Variants in GRIK2 observed in about 807,000 individuals in gnomAD.
The protein encoded by GRIK2 is glutamate receptor ionotropic, kainate 2.
A neutral mutation model predicts 100.3 loss-of-function variants in GRIK2; 32 were observed. The observed-to-expected ratio is 0.32, with a 90% CI of 0.24 to 0.43. The LOEUF (loss-of-function observed/expected upper bound fraction) is 0.43. GRIK2 is among the 20% of genes least tolerant of loss of function. GRIK2 has a pLI of 1.00. For missense variants in GRIK2, 843 were observed against 1,114.9 expected (o/e 0.76, Z 3.47); for synonymous variants, 417 against 389.4 (o/e 1.07, Z -0.83).
At chr6:102,016,839 T>C (rs1795860750) in intron 14 of GRIK2, among the ~76,000 whole-genome samples, 1 of 151,806 alleles carries the variant, frequency 6.6e-6, no homozygotes, top group African/African-American at 2.4e-5. Context: ...TTCTCCAAGG[T>C]CAAAATGAAA....
chr6:101,622,201 C>A, intron 3 of GRIK2, 85 bp downstream of exon 3: 2 of 761,396 alleles, frequency 2.6e-6, no homozygotes, highest in Non-Finnish European at 4.4e-6. Flanking sequence ...TTTCAACATA[C>A]AGTTAATAAG....
chr6:101,459,285 T>G (rs1450782630), intron 2 of GRIK2, among the ~76,000 whole-genome samples: 1 of 152,186 alleles, frequency 6.6e-6, no homozygotes, highest in Non-Finnish European at 1.5e-5. Context: ...TGTTGTCATT[T>G]TAAAACATGT....
intron 4 of GRIK2, among the ~76,000 whole-genome samples, chr6:101,659,567 G>A (rs189054765): frequency 1.1e-4 from 16 of 152,178 alleles, no homozygotes; most frequent in East Asian, 5.8e-4. Context: ...TCATAGTGTC[G>A]ATGGTCTTTA....
At chr6:101,831,230 AT>A (rs1206962252) in intron 10 of GRIK2, among the ~76,000 whole-genome samples, 1 of 151,942 alleles carries the variant, frequency 6.6e-6, no homozygotes, top group Non-Finnish European at 1.5e-5. Flanking sequence ...TCAAAATAGG[AT>A]TTTTTTTCCA....
At chr6:101,787,718 GC>G (rs1309563159) in intron 7 of GRIK2, among the ~76,000 whole-genome samples, 2 of 151,952 alleles carry the variant, frequency 1.3e-5, no homozygotes, top group Non-Finnish European at 2.9e-5. Context: ...ACATTTTGTG[GC>G]CTTACATTGT....
chr6:101,436,994 A>G (rs1434359291), intron 2 of GRIK2, among the ~76,000 whole-genome samples: 1 of 151,178 alleles, frequency 6.6e-6, no homozygotes, highest in Non-Finnish European at 1.5e-5. Context: ...CATGAATTTT[A>G]AAAATAATTT....
At chr6:102,018,452 T>C (rs1769240708) in intron 14 of GRIK2, among the ~76,000 whole-genome samples, 1 of 152,088 alleles carries the variant, frequency 6.6e-6, no homozygotes, top group Non-Finnish European at 1.5e-5. Context: ...GGACAGTAAA[T>C]ATATGGTGAA....
chr6:101,950,211 C>A (rs1013300565), intron 14 of GRIK2, among the ~76,000 whole-genome samples: 9 of 151,408 alleles, frequency 5.9e-5, no homozygotes, highest in Non-Finnish European at 8.8e-5. Flanking sequence ...GTTGTTGTTG[C>A]TGGTAATAAA....
At chr6:101,547,323 A>T (rs199801792) in intron 2 of GRIK2, among the ~76,000 whole-genome samples, 2 of 151,788 alleles carry the variant, frequency 1.3e-5, no homozygotes, top group South Asian at 2.1e-4. Context: ...TTTTTTTTGG[A>T]TTTTTTTTAT....
intron 2 of GRIK2, among the ~76,000 whole-genome samples, chr6:101,407,944 G>A (rs771109888): frequency 3.3e-5 from 5 of 152,102 alleles, no homozygotes; most frequent in Non-Finnish European, 5.9e-5. Context: ...AGAAAGAAGG[G>A]GGAAATGTAT....
At chr6:101,965,623 A>G (rs534648463) in intron 14 of GRIK2, among the ~76,000 whole-genome samples, 2 of 152,234 alleles carry the variant, frequency 1.3e-5, no homozygotes, top group South Asian at 2.1e-4. Context: ...ATCACACACA[A>G]TTGTTTTTGA....
chr6:101,396,345 A>G (rs1352080881), intron 1 of GRIK2, among the ~76,000 whole-genome samples: 1 of 151,440 alleles, frequency 6.6e-6, no homozygotes, highest in Non-Finnish European at 1.5e-5. Context: ...ATTGAAAGTG[A>G]TAACTAATTG....
intron 14 of GRIK2, among the ~76,000 whole-genome samples, chr6:102,021,704 T>G (rs935737266): frequency 6.6e-6 from 1 of 151,590 alleles, no homozygotes; most frequent in Non-Finnish European, 1.5e-5. Context: ...TTTCTTTTAT[T>G]TAACTAAATT....
chr6:101,616,144 A>G (rs1262097515), intron 2 of GRIK2, among the ~76,000 whole-genome samples: 1 of 151,438 alleles, frequency 6.6e-6, no homozygotes, highest in Non-Finnish European at 1.5e-5. Context: ...TTCTCTTCCT[A>G]TTGGTTCTTT....
intron 2 of GRIK2, among the ~76,000 whole-genome samples, chr6:101,441,248 T>C (rs190847975): frequency 2.0e-5 from 3 of 152,258 alleles, no homozygotes; most frequent in Admixed American, 2.0e-4. Context: ...AGTAGTCTAC[T>C]CTCTGTCCCT....
chr6:101,975,789 G>GTCTATCTATCTA (rs1554185770), intron 14 of GRIK2, among the ~76,000 whole-genome samples: 15 of 91,880 alleles, frequency 1.6e-4, no homozygotes, highest in East Asian at 1.0e-3. Context: ...CTGTCTGTCT[G>GTCTATCTATCTA]TCTGTCTATC....
chr6:101,988,086 TTATAGTGTGTGTGTG>T (rs1641624863), intron 14 of GRIK2, among the ~76,000 whole-genome samples: 1 of 148,542 alleles, frequency 6.7e-6, no homozygotes. Flanking sequence ...TATGCCAGTA[TTATAGTGTGTGTGTG>T]TGTGTGTGTG....
At chr6:101,598,405 C>A in intron 2 of GRIK2, among the ~76,000 whole-genome samples, 1 of 151,532 alleles carries the variant, frequency 6.6e-6, no homozygotes. Flanking sequence ...AAGTCTTCCT[C>A]TACTTTATTA....
intron 15 of GRIK2, among the ~76,000 whole-genome samples, chr6:102,051,286 TTCCTTCC>T (rs1298694947): frequency 6.7e-6 from 1 of 149,848 alleles, no homozygotes. Flanking sequence ...CCTTCCTTCC[TTCCTTCC>T]TTCCTTCCTT....
Sources: gnomAD v4.1 joint callset for allele counts (sites outside exome capture counted in the v4.1 genomes callset) on GRCh38, gnomAD v4.1.1 for gene constraint, MANE v1.5 for transcripts, NCBI Gene and HGNC (gene_info 2026-07-23, HGNC 2026-07-21) for gene names.